SREBF2: variants seen among roughly 807,000 people sequenced by gnomAD.
The protein encoded by SREBF2 is sterol regulatory element-binding protein 2.
A neutral mutation model predicts 113.1 loss-of-function variants in SREBF2; 55 were observed. The ratio of observed to expected loss-of-function variants is 0.49; its 90% CI spans 0.39 to 0.61. The LOEUF (loss-of-function observed/expected upper bound fraction) is 0.61. Ranked by LOEUF, SREBF2 falls within the 20% of genes least tolerant of loss-of-function variation. The pLI is 0.00. For synonymous variants in SREBF2, 593 were observed against 605.7 expected (o/e 0.98, Z 0.31); for missense variants, 1,349 against 1,487.4 (o/e 0.91, Z 1.53).
rs573721247 is a variant in SREBF2 at position 41,892,562 on chromosome 22, G to A, written c.2209-555G>A. ...ACACGGGAGGCTGAGGCAGGAGAAT[G>A]GCGTGAACCCGGGAGGCAGAGCTTG... On this transcript the variant is annotated intron_variant, in intron 11 of 18. Coordinates refer to ENST00000361204, the MANE Select transcript of SREBF2 (RefSeq NM_004599.4). 5.2e-4 allele frequency among the ~76,000 whole-genome samples: 79 copies of A among 151,286 alleles called. 2 individuals carry two copies. The East Asian group carries it at 0.015, about 30-fold the overall frequency.
intron 1 of SREBF2, among the ~76,000 whole-genome samples, chr22:41,859,050 G>C (rs1045337195): frequency 6.6e-6 from 1 of 150,844 alleles, no homozygotes; most frequent in Non-Finnish European, 1.5e-5. Context: ...TTGAACCCAG[G>C]AGGTGGAGGT....
Position 41,880,988 on chromosome 22 carries a change from C to A in SREBF2, c.2034C>A (p.Ile678=). The A allele has an allele frequency of 6.2e-7, 1 of 1,606,888 alleles. No homozygotes were observed. The highest frequency in any genetic ancestry group is 1.1e-5 in the South Asian group (1 of 90,990). Residue 678 remains isoleucine (I), a synonymous_variant, in exon 10 of 19, where the codon ATC becomes ATA. Coordinates refer to ENST00000361204, the MANE Select transcript of SREBF2 (RefSeq NM_004599.4). The part of the protein sequence containing the change: ...LAYHRLHQLH[I]TGKLPAGSAC... ...ATCACCGGCTGCACCAGCTGCACAT[C>A]ACAGGTGAGGGGGCAGCTGCTGCTG...
Position 41,903,129 on chromosome 22 carries a change from C to CA in SREBF2, c.3068dup (p.His1023GlnfsTer14). Reference sequence around the variant, plus strand: ...CCTGGGCAGCCTGCGCAGGCTGGCACACAGCTTCCGCCCAGCATACCGCAA... The same window carrying CA: ...CCTGGGCAGCCTGCGCAGGCTGGCACAACAGCTTCCGCCCAGCATACCGCAA... On this transcript the variant is annotated frameshift_variant, in exon 17 of 19. Coordinates refer to ENST00000361204, the MANE Select transcript of SREBF2 (RefSeq NM_004599.4). LOFTEE classifies it high-confidence loss of function. 1.9e-6 allele frequency: 3 copies of CA among 1,557,158 alleles called. No homozygotes were observed. The highest frequency in any genetic ancestry group is 2.6e-6 in the Non-Finnish European group (3 of 1,150,614).
At chr22:41,901,915 C>T (rs1178899709) in intron 16 of SREBF2, among the ~76,000 whole-genome samples, 3 of 152,216 alleles carry the variant, frequency 2.0e-5, no homozygotes, top group Non-Finnish European at 4.4e-5. Context: ...CCTGATGGCC[C>T]TCGGAGGGCA....
At chr22:41,905,404 A>G (rs1337460910) in intron 18 of SREBF2, 36 bp from the exon 19 acceptor site, 1 of 1,535,872 alleles carries the variant, frequency 6.5e-7, no homozygotes, top group East Asian at 2.4e-5. Flanking sequence ...ACTTCATGGT[A>G]GATTCTCGGT....
chr22:41,899,528 C>T (rs1392574425), intron 15 of SREBF2: 11 of 991,786 alleles, frequency 1.1e-5, no homozygotes, highest in East Asian at 1.1e-4. Flanking sequence ...GACCCTTAAC[C>T]GGCGCACAGG....
At chr22:41,905,032 A>G in intron 18 of SREBF2, 58 bp downstream of exon 18, 1 of 1,458,432 alleles carries the variant, frequency 6.9e-7, no homozygotes, top group Non-Finnish European at 9.3e-7. Context: ...CTAGGAAGAG[A>G]GGAGAAGAGG....
Position 41,875,380 on chromosome 22 carries a change from A to G in SREBF2, c.1133A>G (p.Lys378Arg), listed in dbSNP as rs1385387771. The part of the protein sequence containing the change: ...GVLRKAIDYI[K>R]YLQQVNHKLR... Reference sequence around the variant, plus strand: ...CTGAGGAAGGCCATTGATTACATCAAATACTTGCAGCAGGTCAATCATAAA... The same window carrying G: ...CTGAGGAAGGCCATTGATTACATCAGATACTTGCAGCAGGTCAATCATAAA... Residue 378 changes from lysine (K) to arginine (R), a missense_variant, in exon 6 of 19, where the codon AAA becomes AGA. This residue lies in a region of SREBF2 where 699 missense variants were observed against 843.3 expected (regional missense o/e 0.83). Coordinates refer to ENST00000361204, the MANE Select transcript of SREBF2 (RefSeq NM_004599.4). The G allele has an allele frequency of 1.9e-6, 3 of 1,614,166 alleles. No individual in the cohort carries two copies. Among genetic ancestry groups the G allele is most frequent in the Admixed American group, 3.3e-5 (2 of 60,026 alleles).
chr22:41,888,257 T>G (rs1322194290), intron 11 of SREBF2, among the ~76,000 whole-genome samples: 4 of 152,234 alleles, frequency 2.6e-5, no homozygotes, highest in Non-Finnish European at 5.9e-5. Flanking sequence ...TGCTAGACGC[T>G]TTATTTTTTA....
Position 41,880,726 on chromosome 22 carries a change from C to G in SREBF2, c.1772C>G (p.Ala591Gly), listed in dbSNP as rs746995920. 3.1e-6 allele frequency: 5 copies of G among 1,614,206 alleles called. No homozygotes were observed. In the South Asian group the frequency reaches 5.5e-5, roughly 18 times the overall value. Residue 591 changes from alanine (A) to glycine (G), a missense_variant, in exon 10 of 19, where the codon GCA (alanine) becomes GGA (glycine). This residue lies in a region of SREBF2 where 699 missense variants were observed against 843.3 expected (regional missense o/e 0.83). Coordinates refer to ENST00000361204, the MANE Select transcript of SREBF2 (RefSeq NM_004599.4). ...TTTGATACTTTGTAGGGAGATTTTG[C>G]AGCTGCTGCCGGCAACCTACAAACC... ...ADLDLARGDF[A>G]AAAGNLQTCL...
chr22:41,846,612 G>A (rs2148347342), intron 1 of SREBF2, among the ~76,000 whole-genome samples: 1 of 152,362 alleles, frequency 6.6e-6, no homozygotes, highest in South Asian at 2.1e-4. Context: ...GTAGCATTAA[G>A]TCAGGCCTTT....
chr22:41,841,492 A>G (rs967369262), intron 1 of SREBF2, among the ~76,000 whole-genome samples: 3 of 152,012 alleles, frequency 2.0e-5, no homozygotes, highest in Admixed American at 6.6e-5. Flanking sequence ...TCCTCTGTCT[A>G]TTTGGCCTCG....
At chr22:41,888,756 CTG>C (rs1201607466) in intron 11 of SREBF2, among the ~76,000 whole-genome samples, 1 of 152,158 alleles carries the variant, frequency 6.6e-6, no homozygotes, top group Non-Finnish European at 1.5e-5. Flanking sequence ...GATGGTGATG[CTG>C]TGTCAAAGGA....
intron 4 of SREBF2, among the ~76,000 whole-genome samples, chr22:41,872,951 A>C (rs2077160259): frequency 6.6e-6 from 1 of 151,924 alleles, no homozygotes; most frequent in Non-Finnish European, 1.5e-5. Flanking sequence ...TAATCCCAGC[A>C]CTTTGGGAGG....
Position 41,871,440 on chromosome 22 carries a change from A to G in SREBF2, c.867+405A>G, listed in dbSNP as rs559018106. On this transcript the variant is annotated intron_variant, in intron 4 of 18. Coordinates refer to ENST00000361204, the MANE Select transcript of SREBF2 (RefSeq NM_004599.4). ...GGTTCTTAGCCACTTTCAGCATCCT[A>G]TAGCATGAGAATCTGATAGAGTAAA... Among the ~76,000 whole-genome samples, 11 of 152,346 alleles carry G rather than the reference A, an allele frequency of 7.2e-5. No homozygotes were observed. In the South Asian group the frequency reaches 1.7e-3, roughly 23 times the overall value.
At chr22:41,904,828 G>C in intron 17 of SREBF2, 35 bp from the exon 18 acceptor site, 2 of 1,512,420 alleles carry the variant, frequency 1.3e-6, no homozygotes, top group Non-Finnish European at 1.8e-6. Flanking sequence ...GTGGGGACCA[G>C]GGGTGTGATG....
In SREBF2 at chr22:41,906,014, A is replaced by G. The variant is rs1273439157; in HGVS notation, c.*354A>G. The G allele has an allele frequency of 6.0e-6, 3 of 499,650 alleles. No individual in the cohort carries two copies. Among genetic ancestry groups the G allele is most frequent in the Admixed American group, 4.6e-5 (2 of 43,710 alleles). The allele number at this position is 499,650 out of a possible 1,614,324, so 31.0% of individuals were successfully genotyped here. A position where few individuals can be genotyped will look rare whatever the true frequency, so the allele number is the denominator to read the frequency against. ...TCTCCTTTTTGCTTCCTCAGTTTTTATCAGGCTTTCTCTGGGGGACAGCAG... is the reference window on the plus strand; with the variant it reads ...TCTCCTTTTTGCTTCCTCAGTTTTTGTCAGGCTTTCTCTGGGGGACAGCAG... On this transcript the variant is annotated 3_prime_UTR_variant, in exon 19 of 19. Transcript: ENST00000361204.
chr22:41,862,272 G>A (rs1293470478), intron 1 of SREBF2, among the ~76,000 whole-genome samples: 1 of 152,194 alleles, frequency 6.6e-6, no homozygotes, highest in Non-Finnish European at 1.5e-5. Flanking sequence ...TCATGGGGCT[G>A]CTTGCAATGC....
intron 11 of SREBF2, among the ~76,000 whole-genome samples, chr22:41,890,644 T>C (rs2077351540): frequency 6.6e-6 from 1 of 151,762 alleles, no homozygotes; most frequent in Non-Finnish European, 1.5e-5. Flanking sequence ...TTCTGGTGTC[T>C]ATAAAATTTA....
Sources: allele counts gnomAD v4.1 joint callset (sites outside exome capture counted in the v4.1 genomes callset), GRCh38; gene constraint gnomAD v4.1.1; regional missense constraint gnomAD v4.1.1; transcripts MANE v1.5; gene names NCBI Gene and HGNC (gene_info 2026-07-23, HGNC 2026-07-21).